The following MYLK variants were observed in gnomAD, a reference collection of about 807,000 sequenced individuals.
The protein encoded by MYLK is myosin light chain kinase, also known as myosin light chain kinase, smooth muscle.
A neutral mutation model predicts 203.4 loss-of-function variants in MYLK; 106 were observed. The ratio of observed to expected loss-of-function variants is 0.52; its 90% CI spans 0.45 to 0.61. MYLK has a LOEUF of 0.61. MYLK is among the 20% of genes least tolerant of loss of function. MYLK has a pLI of 0.00. For missense variants in MYLK, 2,072 were observed against 2,442.3 expected, an observed-to-expected ratio of 0.85 and a Z score of 3.20; for synonymous variants, 867 against 959.5, an observed-to-expected ratio of 0.90 and a Z score of 1.78.
chr3:123,805,668 A>T (rs2065343205), intron 3 of MYLK, among the ~76,000 whole-genome samples: 1 of 152,232 alleles, frequency 6.6e-6, no homozygotes, highest in Admixed American at 6.5e-5. Flanking sequence ...GGTGACTGCA[A>T]GACAGAGGAC....
chr3:123,693,066 C>T (rs2060748291), intron 18 of MYLK, among the ~76,000 whole-genome samples: 1 of 152,160 alleles, frequency 6.6e-6, no homozygotes, highest in African/African-American at 2.4e-5. Context: ...TACGTTCCTT[C>T]CTGATACCTC....
intron 11 of MYLK, among the ~76,000 whole-genome samples, chr3:123,730,703 G>A (rs1297400004): frequency 4.6e-5 from 7 of 152,162 alleles, no homozygotes; most frequent in Admixed American, 3.9e-4. Context: ...GTTCAGAAGA[G>A]GAAAACCCAT....
At chr3:123,793,245 A>G (rs1181993726) in intron 4 of MYLK, among the ~76,000 whole-genome samples, 4 of 152,190 alleles carry the variant, frequency 2.6e-5, no homozygotes, top group African/African-American at 9.7e-5. Context: ...GGTATACCAA[A>G]TGGATGTACA....
chr3:123,675,046 G>A (rs1192150226), intron 20 of MYLK, among the ~76,000 whole-genome samples: 1 of 152,238 alleles, frequency 6.6e-6, no homozygotes, highest in East Asian at 1.9e-4. Flanking sequence ...AAGGATTTCT[G>A]TTAACCCGGG....
intron 20 of MYLK, among the ~76,000 whole-genome samples, chr3:123,675,224 ATT>A (rs2060035002): frequency 6.6e-6 from 1 of 152,248 alleles, no homozygotes; most frequent in East Asian, 1.9e-4. Flanking sequence ...GGAGATTGAT[ATT>A]AGAGGAAGTG....
At chr3:123,696,374 A>G (rs921533581) in intron 18 of MYLK, among the ~76,000 whole-genome samples, 2 of 152,088 alleles carry the variant, frequency 1.3e-5, no homozygotes, top group Non-Finnish European at 2.9e-5. Flanking sequence ...GGTGGGGATC[A>G]GTGCAGTGGA....
intron 4 of MYLK, among the ~76,000 whole-genome samples, chr3:123,787,460 G>C (rs553276341): frequency 6.6e-6 from 1 of 152,272 alleles, no homozygotes; most frequent in East Asian, 1.9e-4. Context: ...GGGAGTCTTA[G>C]ACACTTCACC....
chr3:123,771,649 G>A (rs1463377269), intron 4 of MYLK, among the ~76,000 whole-genome samples: 3 of 152,158 alleles, frequency 2.0e-5, no homozygotes, highest in Non-Finnish European at 4.4e-5. Flanking sequence ...CTTAATTTAT[G>A]ATGGGTTACA....
Position 123,735,436 on chromosome 3 carries a change from T to C in MYLK, c.755-20A>G, listed in dbSNP as rs772459994. The C allele has an allele frequency of 3.1e-6, 5 of 1,613,842 alleles. No individual in the cohort carries two copies. Among genetic ancestry groups the C allele is most frequent in the East Asian group, 2.2e-5 (1 of 44,874 alleles). On this transcript the variant is annotated intron_variant, in intron 8 of 33. Transcript: ENST00000360304. ...CCAAACCTGGAAAAAGGGGGAAGGG[T>C]GGAAAGACTGTTAGTAGAATGCTGT...
At chr3:123,816,744 T>C (rs2065762679) in intron 3 of MYLK, among the ~76,000 whole-genome samples, 1 of 152,222 alleles carries the variant, frequency 6.6e-6, no homozygotes, top group South Asian at 2.1e-4. Context: ...GTGCCAGAAC[T>C]CAACCACAAA....
chr3:123,793,138 T>C (rs2064847753), intron 4 of MYLK, among the ~76,000 whole-genome samples: 1 of 152,182 alleles, frequency 6.6e-6, no homozygotes, highest in African/African-American at 2.4e-5. Flanking sequence ...TCATGCCTAT[T>C]TGTAGAAGAA....
intron 29 of MYLK, among the ~76,000 whole-genome samples, chr3:123,633,773 G>A (rs558427613): frequency 2.6e-5 from 4 of 152,312 alleles, no homozygotes; most frequent in African/African-American, 7.2e-5. Flanking sequence ...GTTTGGCTGT[G>A]GGGGCAGAAG....
At chr3:123,713,633 T>C in intron 13 of MYLK, among the ~76,000 whole-genome samples, 1 of 142,042 alleles carries the variant, frequency 7.0e-6, no homozygotes, top group African/African-American at 2.6e-5. Context: ...GTGTGTGTAT[T>C]GCAATTCATT....
intron 23 of MYLK, 120 bp from the exon 24 acceptor site, chr3:123,657,548 T>A: frequency 1.1e-6 from 1 of 940,956 alleles, no homozygotes; most frequent in South Asian, 1.5e-5. Context: ...AAGTCCCTGG[T>A]CCTGCGTCTC....
chr3:123,677,906 TATATATATATATAC>T lies in MYLK; in HGVS notation c.3652+4304_3652+4317del, dbSNP rs1185008589. On this transcript the variant is annotated intron_variant, in intron 20 of 33. Transcript: ENST00000360304. ...ATGAATATATATATATATATATATATATATATATATATACACACACACACACACAGAGTACATCC... is the reference window on the plus strand; with the variant it reads ...ATGAATATATATATATATATATATATACACACACACACACAGAGTACATCC... 8.4e-5 allele frequency among the ~76,000 whole-genome samples: 8 copies of T among 95,154 alleles called. 1 individual carries two copies. The highest frequency in any genetic ancestry group is 3.5e-4 in the African/African-American group (8 of 23,068). The allele number at this position is 95,154 out of a possible 152,430, so 62.4% of individuals were successfully genotyped here.
intron 20 of MYLK, 124 bp from the exon 21 acceptor site, chr3:123,667,311 G>T: frequency 1.0e-6 from 1 of 964,800 alleles, no homozygotes. Flanking sequence ...ATTTGAACAT[G>T]TCTTTTCAGG....
intron 3 of MYLK, among the ~76,000 whole-genome samples, chr3:123,819,847 T>C (rs1315855393): frequency 6.7e-6 from 1 of 150,106 alleles, no homozygotes; most frequent in African/African-American, 2.5e-5. Context: ...CTTTTTAAGT[T>C]CCTTTGTCTG....
chr3:123,834,544 G>A (rs1289993306), intron 2 of MYLK, among the ~76,000 whole-genome samples: 1 of 152,090 alleles, frequency 6.6e-6, no homozygotes, highest in Non-Finnish European at 1.5e-5. Flanking sequence ...AGGTGGTGCA[G>A]GCAGGTTGCA....
intron 19 of MYLK, chr3:123,692,493 GGGGGACAGGACAGCCAGGGGA>G: frequency 1.0e-6 from 1 of 999,652 alleles, no homozygotes; most frequent in Non-Finnish European, 1.4e-6. Flanking sequence ...AGGACTGGGA[GGGGGACAGGACAGCCAGGGGA>G]GGGGTGAAGC....
Sources: gnomAD v4.1 joint callset for allele counts (sites outside exome capture counted in the v4.1 genomes callset) on GRCh38, gnomAD v4.1.1 for gene constraint, MANE v1.5 for transcripts, NCBI Gene and HGNC (gene_info 2026-07-23, HGNC 2026-07-21) for gene names.